The following ATP1B3 variants were observed in gnomAD, a reference collection of about 807,000 sequenced individuals.
The protein encoded by ATP1B3 is sodium/potassium-transporting ATPase subunit beta-3.
ATP1B3 carries 10 observed loss-of-function variants against 30.2 expected under a neutral mutation model. That is an observed-to-expected ratio of 0.33 (90% CI 0.20 to 0.56). The LOEUF (loss-of-function observed/expected upper bound fraction) is 0.56, where lower values mean the gene tolerates loss of function less well. Ranked by LOEUF, ATP1B3 falls within the 20% of genes least tolerant of loss-of-function variation. The pLI, the probability that ATP1B3 is intolerant of heterozygous loss-of-function variation, is 0.90. For missense variants in ATP1B3, 238 were observed against 336.7 expected, an observed-to-expected ratio of 0.71 and a Z score of 2.29; for synonymous variants, 113 against 117.0, an observed-to-expected ratio of 0.97 and a Z score of 0.22.
intron 3 of ATP1B3, among the ~76,000 whole-genome samples, chr3:141,910,129 G>C (rs1290583759): frequency 6.6e-6 from 1 of 151,878 alleles, no homozygotes; most frequent in Non-Finnish European, 1.5e-5. Flanking sequence ...ACATCATCAC[G>C]CCTGGCTAAT....
At chr3:141,890,285 C>CTTTTTTTTTTGTTTT (rs1933922984) in intron 1 of ATP1B3, among the ~76,000 whole-genome samples, 1 of 28,554 alleles carries the variant, frequency 3.5e-5, no homozygotes, top group Non-Finnish European at 5.8e-5. Flanking sequence ...TTTTGTGGGG[C>CTTTTTTTTTTGTTTT]TTTTTTTTTT....
At chr3:141,895,582 T>C (rs1026677190) in intron 1 of ATP1B3, among the ~76,000 whole-genome samples, 1 of 152,238 alleles carries the variant, frequency 6.6e-6, no homozygotes, top group South Asian at 2.1e-4. Context: ...ATTGTATGGA[T>C]ATAGCCAAAT....
Position 141,913,676 on chromosome 3 carries a change from A to C in ATP1B3, c.371A>C (p.Asn124Thr), listed in dbSNP as rs1934406915. 1 of 1,612,074 alleles carries C rather than the reference A, an allele frequency of 6.2e-7. No homozygotes were observed. The highest frequency in any genetic ancestry group is 2.2e-5 in the East Asian group (1 of 44,838). ...LKPYTLEEQK[N>T]LTVCPDGALF... ...GCATATACTTTAGAAGAACAGAAGA[A>C]CCTCACAGTCTGTCCTGATGGAGCA... Residue 124 changes from asparagine (N) to threonine (T), a missense_variant, in exon 4 of 7, where the codon AAC (asparagine) becomes ACC (threonine). Physicochemically the swap from Asn to Thr is moderately conservative, Grantham distance 65. Coordinates refer to ENST00000286371, the MANE Select transcript of ATP1B3 (RefSeq NM_001679.4).
intron 1 of ATP1B3, among the ~76,000 whole-genome samples, chr3:141,884,869 T>C (rs899326819): frequency 6.6e-6 from 1 of 152,168 alleles, no homozygotes; most frequent in African/African-American, 2.4e-5. Flanking sequence ...TTGTTTTCTC[T>C]TCTTCTTTCC....
chr3:141,903,486 TATTTGG>T, intron 1 of ATP1B3, 128 bp from the exon 2 acceptor site: 1 of 1,298,626 alleles, frequency 7.7e-7, no homozygotes, highest in Non-Finnish European at 1.0e-6. Context: ...AATATGAGGA[TATTTGG>T]CTATGTGCAT....
chr3:141,908,803 T>G (rs79452450), intron 3 of ATP1B3, among the ~76,000 whole-genome samples: 16,424 of 152,248 alleles, frequency 0.11, 1,086 homozygotes, highest in Middle Eastern at 0.16. Context: ...ATAACCTGAT[T>G]TCTTGCTTCA....
chr3:141,881,204 CAAAAA>C (rs112675926), intron 1 of ATP1B3, among the ~76,000 whole-genome samples: 1 of 117,260 alleles, frequency 8.5e-6, no homozygotes. Flanking sequence ...ACTCCACCTC[CAAAAA>C]AAAAAAAAAG....
At position 141,915,996 on chromosome 3, in the gene ATP1B3, G is replaced by A. The variant is rs767875630; in HGVS notation, c.558G>A (p.Val186=). 2 of 1,606,990 alleles carry A rather than the reference G, an allele frequency of 1.2e-6. No individual in the cohort carries two copies. The highest frequency in any genetic ancestry group is 1.7e-6 in the Non-Finnish European group (2 of 1,176,466). ...TAATTGGATTAAAGCCTGAAGGAGT[G>A]CCAAGGATAGATTGTGTTTCAAAGG... ...NRIIGLKPEG[V]PRIDCVSKNE... Residue 186 remains valine, a synonymous_variant, in exon 5 of 7, where the codon GTG becomes GTA. Transcript: ENST00000286371.
chr3:141,878,591 G>T (rs2107924907), intron 1 of ATP1B3, among the ~76,000 whole-genome samples: 1 of 152,176 alleles, frequency 6.6e-6, no homozygotes, highest in South Asian at 2.1e-4. Context: ...CCTTTGTATT[G>T]TATGACCTAG....
rs1211554880 is a variant in ATP1B3, at chr3:141,889,748, A to ATATAT, written c.109+12838_109+12839insTATAT. On this transcript the variant is annotated intron_variant, in intron 1 of 6. Transcript: ENST00000286371. ...CGTCTCAAAAAAAAAAAAAAAAAAA[A>ATATAT]AAATATATACACACACACACACACA... 4.2e-3 allele frequency among the ~76,000 whole-genome samples: 341 copies of ATATAT among 81,418 alleles called. 9 individuals carry two copies. Among genetic ancestry groups the ATATAT allele is most frequent in the Middle Eastern group, 0.03 (5 of 164 alleles). 53.4% of individuals were successfully genotyped at this position (81,418 alleles called of 152,430 possible). A position where few individuals can be genotyped will look rare whatever the true frequency, so the allele number is the denominator to read the frequency against.
chr3:141,919,591 G>A (rs971902481), intron 5 of ATP1B3, among the ~76,000 whole-genome samples: 5 of 152,150 alleles, frequency 3.3e-5, no homozygotes, highest in Admixed American at 6.6e-5. Flanking sequence ...TTTTGTTTCA[G>A]TGGAACTTAG....
At chr3:141,886,120 A>G (rs778868384) in intron 1 of ATP1B3, among the ~76,000 whole-genome samples, 5 of 152,200 alleles carry the variant, frequency 3.3e-5, no homozygotes, top group Non-Finnish European at 7.4e-5. Flanking sequence ...CTGCTTCCAG[A>G]AAGTTTAGGT....
At chr3:141,915,888 C>A in intron 4 of ATP1B3, 82 bp from the exon 5 acceptor site, 1 of 1,079,096 alleles carries the variant, frequency 9.3e-7, no homozygotes, top group Non-Finnish European at 1.4e-6. Context: ...AAGTCTTCAC[C>A]CCTTGTTCCC....
chr3:141,888,703 A>G (rs936396169), intron 1 of ATP1B3, among the ~76,000 whole-genome samples: 22 of 152,078 alleles, frequency 1.4e-4, no homozygotes, highest in African/African-American at 5.3e-4. Context: ...GTGGGTGGTA[A>G]TTGAATCATG....
At chr3:141,920,814 C>T (rs1437030355) in intron 5 of ATP1B3, among the ~76,000 whole-genome samples, 1 of 152,062 alleles carries the variant, frequency 6.6e-6, no homozygotes, top group Non-Finnish European at 1.5e-5. Flanking sequence ...TGCGATTTCT[C>T]CTAGCGTTGT....
At chr3:141,916,800 T>G (rs575815546) in intron 5 of ATP1B3, among the ~76,000 whole-genome samples, 29 of 152,310 alleles carry the variant, frequency 1.9e-4, no homozygotes, top group African/African-American at 7.0e-4. Flanking sequence ...TCATGTTGCC[T>G]TGTTGGGTTC....
At chr3:141,890,494 G>A (rs1577959313) in intron 1 of ATP1B3, among the ~76,000 whole-genome samples, 1 of 151,582 alleles carries the variant, frequency 6.6e-6, no homozygotes, top group East Asian at 1.9e-4. Context: ...GTAGAGATGG[G>A]GTTTCACCAT....
chr3:141,895,478 C>G (rs944233899), intron 1 of ATP1B3, among the ~76,000 whole-genome samples: 21 of 152,314 alleles, frequency 1.4e-4, no homozygotes, highest in African/African-American at 5.1e-4. Flanking sequence ...GCGTGAGCCA[C>G]TGCGTCCCGC....
chr3:141,922,935 C>T (rs990285656), intron 6 of ATP1B3, among the ~76,000 whole-genome samples: 2 of 151,942 alleles, frequency 1.3e-5, no homozygotes, highest in Non-Finnish European at 2.9e-5. Flanking sequence ...CACTGCACTC[C>T]AGCCTGGGCA....
Sources: gnomAD v4.1 joint callset for allele counts (sites outside exome capture counted in the v4.1 genomes callset) on GRCh38, gnomAD v4.1.1 for gene constraint, MANE v1.5 for transcripts, NCBI Gene and HGNC (gene_info 2026-07-23, HGNC 2026-07-21) for gene names.